Variants in CCDC178 observed in about 807,000 individuals in gnomAD.
The protein encoded by CCDC178 is coiled-coil domain containing 178, also known as coiled-coil domain-containing protein 178.
A neutral mutation model predicts 117.4 loss-of-function variants in CCDC178; 126 were observed. That is an observed-to-expected ratio of 1.07 (90% CI 0.93 to 1.24). The LOEUF (loss-of-function observed/expected upper bound fraction) is 1.24, where lower values mean the gene tolerates loss of function less well. Among genes scored for constraint, CCDC178 ranks in the 50% most tolerant of loss-of-function variants. The pLI is 0.00. For synonymous variants in CCDC178, 283 were observed against 313.4 expected, an observed-to-expected ratio of 0.90 and a Z score of 1.02; for missense variants, 1,030 against 986.9, an observed-to-expected ratio of 1.04 and a Z score of -0.59.
chr18:33,210,479 CA>C (rs2052468657), intron 20 of CCDC178, among the ~76,000 whole-genome samples: 2 of 152,012 alleles, frequency 1.3e-5, no homozygotes, highest in South Asian at 4.1e-4. Flanking sequence ...TTTGCCATTT[CA>C]CTAATTATTA....
At position 33,254,251 on chromosome 18, in the gene CCDC178, AACACACACACAC is replaced by A. The variant is rs34689445; in HGVS notation, c.1410-8835_1410-8824del. Among the ~76,000 whole-genome samples the A allele has an allele frequency of 3.2e-3, 432 of 135,464 alleles. 1 individual carries two copies. The highest frequency in any genetic ancestry group is 0.011 in the Middle Eastern group (3 of 266). 88.9% of individuals were successfully genotyped at this position (135,464 alleles called of 152,430 possible). A position where few individuals can be genotyped will look rare whatever the true frequency, so the allele number is the denominator to read the frequency against. ...GTCATTTATTCAACATCTATTGAGA[AACACACACACAC>A]ACACACACACACACACACACACACA... is the stretch of plus-strand genomic sequence containing the variant. On this transcript the variant is annotated intron_variant, in intron 14 of 22. Coordinates refer to ENST00000383096, the MANE Select transcript of CCDC178 (RefSeq NM_001105528.4).
At chr18:33,369,700 A>T (rs1285390543) in intron 6 of CCDC178, among the ~76,000 whole-genome samples, 1 of 151,998 alleles carries the variant, frequency 6.6e-6, no homozygotes, top group East Asian at 1.9e-4. Context: ...GTCCTTTTAT[A>T]CACCAATTTA....
At chr18:33,260,330 C>T (rs1165799444) in intron 14 of CCDC178, among the ~76,000 whole-genome samples, 1 of 152,006 alleles carries the variant, frequency 6.6e-6, no homozygotes, top group East Asian at 1.9e-4. Context: ...TCATTCTACT[C>T]GTTCATGATT....
chr18:33,072,503 T>C (rs2057126759), intron 21 of CCDC178, among the ~76,000 whole-genome samples: 1 of 152,070 alleles, frequency 6.6e-6, no homozygotes. Flanking sequence ...AGAGAAAAGA[T>C]ATGTGGAGGA....
intron 21 of CCDC178, among the ~76,000 whole-genome samples, chr18:32,979,535 G>A (rs1329294840): frequency 6.6e-6 from 1 of 152,012 alleles, no homozygotes; most frequent in East Asian, 1.9e-4. Flanking sequence ...TAAAATGAAA[G>A]GTACTTAGGT....
At chr18:33,339,369 C>G (rs535656312) in intron 9 of CCDC178, among the ~76,000 whole-genome samples, 3 of 151,588 alleles carry the variant, frequency 2.0e-5, no homozygotes, top group African/African-American at 4.8e-5. Context: ...AATAAAGACA[C>G]AAGGCACAAA....
At chr18:33,429,516 T>A (rs2064175754) in intron 2 of CCDC178, among the ~76,000 whole-genome samples, 1 of 152,128 alleles carries the variant, frequency 6.6e-6, no homozygotes, top group African/African-American at 2.4e-5. Context: ...ACATGCAAAC[T>A]GCAAAAGAAT....
At chr18:33,418,208 T>G (rs936263314) in intron 2 of CCDC178, among the ~76,000 whole-genome samples, 1 of 152,142 alleles carries the variant, frequency 6.6e-6, no homozygotes, top group Non-Finnish European at 1.5e-5. Flanking sequence ...ATTAATAATG[T>G]CATTTATTAC....
intron 21 of CCDC178, among the ~76,000 whole-genome samples, chr18:32,978,190 T>C (rs2144704683): frequency 7.0e-6 from 1 of 142,138 alleles, no homozygotes; most frequent in East Asian, 2.2e-4. Flanking sequence ...GAAAGAGTAA[T>C]ATCTCAAAAA....
At chr18:33,016,805 A>T (rs1192019734) in intron 21 of CCDC178, among the ~76,000 whole-genome samples, 1 of 152,040 alleles carries the variant, frequency 6.6e-6, no homozygotes, top group East Asian at 1.9e-4. Context: ...CACACTGGAA[A>T]ATATATACTT....
chr18:33,157,884 A>G (rs1041949240), intron 20 of CCDC178, among the ~76,000 whole-genome samples: 1 of 152,144 alleles, frequency 6.6e-6, no homozygotes, highest in Non-Finnish European at 1.5e-5. Context: ...CTTGTCATGC[A>G]TCTTGCCAAC....
intron 11 of CCDC178, among the ~76,000 whole-genome samples, chr18:33,311,840 C>A (rs191942758): frequency 1.1e-4 from 16 of 152,276 alleles, no homozygotes; most frequent in Admixed American, 1.0e-3. Context: ...ATAGGAACCA[C>A]CTACAAGGTT....
chr18:33,168,750 C>A (rs1484352715), intron 20 of CCDC178, among the ~76,000 whole-genome samples: 2 of 152,110 alleles, frequency 1.3e-5, no homozygotes, highest in Admixed American at 1.3e-4. Flanking sequence ...GATTAGAATG[C>A]AGAGCTCTAT....
At chr18:33,267,571 A>G (rs973843336) in intron 12 of CCDC178, among the ~76,000 whole-genome samples, 1 of 151,802 alleles carries the variant, frequency 6.6e-6, no homozygotes, top group Non-Finnish European at 1.5e-5. Flanking sequence ...TGATTCAAAT[A>G]TAATATAAAG....
intron 21 of CCDC178, among the ~76,000 whole-genome samples, chr18:33,047,296 T>C (rs1045162963): frequency 2.6e-5 from 4 of 152,232 alleles, no homozygotes; most frequent in Non-Finnish European, 5.9e-5. Flanking sequence ...AGATTTTAGT[T>C]GTTCTGGTTT....
chr18:32,946,726 T>TG (rs1472620335), intron 22 of CCDC178, among the ~76,000 whole-genome samples: 15 of 150,698 alleles, frequency 1.0e-4, no homozygotes, highest in South Asian at 2.1e-4. Context: ...TTTTTGGGTT[T>TG]TTTTTTTTTT....
chr18:33,156,641 C>CAAAAAAAAA (rs35712594), intron 20 of CCDC178, among the ~76,000 whole-genome samples: 1 of 99,272 alleles, frequency 1.0e-5, no homozygotes, highest in African/African-American at 4.0e-5. Flanking sequence ...TCCTCCCTCT[C>CAAAAAAAAA]AAAAAAAAAA....
chr18:33,212,100 A>G, intron 19 of CCDC178, 45 bp from the exon 20 acceptor site: 1 of 1,396,306 alleles, frequency 7.2e-7, no homozygotes, highest in South Asian at 1.4e-5. Flanking sequence ...TTCACATTTT[A>G]TTTTTCAAAA....
chr18:33,182,060 T>TA (rs1434054748), intron 20 of CCDC178, among the ~76,000 whole-genome samples: 4 of 151,760 alleles, frequency 2.6e-5, no homozygotes, highest in Non-Finnish European at 4.4e-5. Flanking sequence ...AAGAAAAAGG[T>TA]AAAAAAATGC....
Sources: gnomAD v4.1 joint callset for allele counts (sites outside exome capture counted in the v4.1 genomes callset) on GRCh38, gnomAD v4.1.1 for gene constraint, MANE v1.5 for transcripts, NCBI Gene and HGNC (gene_info 2026-07-23, HGNC 2026-07-21) for gene names.